The following OSBPL11 variants were observed in gnomAD, a reference collection of about 807,000 sequenced individuals.
The protein encoded by OSBPL11 is oxysterol binding protein like 11, also known as oxysterol-binding protein-related protein 11.
In OSBPL11, 33 loss-of-function variants were observed where a neutral mutation model predicts 84.4. The observed-to-expected ratio is 0.39, with a 90% CI of 0.30 to 0.52. OSBPL11 has a LOEUF of 0.52. OSBPL11 is among the 20% of genes least tolerant of loss of function. The pLI, the probability that OSBPL11 is intolerant of heterozygous loss-of-function variation, is 0.72. For missense variants in OSBPL11, 736 were observed against 901.1 expected (o/e 0.82, Z 2.35); for synonymous variants, 276 against 310.2 (o/e 0.89, Z 1.16).
intron 11 of OSBPL11, among the ~76,000 whole-genome samples, chr3:125,536,445 C>A (rs1156841909): frequency 1.3e-5 from 2 of 152,100 alleles, no homozygotes; most frequent in African/African-American, 4.8e-5. Flanking sequence ...CAGATGTTGA[C>A]ATACTATACA....
At position 125,576,259 on chromosome 3, in the gene OSBPL11, C is replaced by T. The variant is rs1936320720; in HGVS notation, c.596G>A (p.Gly199Glu). 1 of 1,610,308 alleles carries T rather than the reference C, an allele frequency of 6.2e-7. No individual in the cohort carries two copies. Among genetic ancestry groups the T allele is most frequent in the Admixed American group, 1.7e-5 (1 of 59,164 alleles). ...SQNAISFFNVGHSKLQSLSKR... is the reference protein window; with the variant it reads ...SQNAISFFNVEHSKLQSLSKR... The stretch of plus-strand genomic sequence containing the variant: ...GCTCAGTGATTGCAGTTTGGAATGT[C>T]CAACATTAAAAAAAGAAATGGCATT... Residue 199 changes from glycine (G) to glutamate (E), a missense_variant, in exon 5 of 13, where the codon GGA becomes GAA. This residue lies in a region of OSBPL11 where 579 missense variants were observed against 717.6 expected (regional missense o/e 0.81). Coordinates refer to ENST00000296220, the MANE Select transcript of OSBPL11 (RefSeq NM_022776.5).
chr3:125,542,666 A>G (rs941235631), intron 10 of OSBPL11, among the ~76,000 whole-genome samples: 2 of 151,634 alleles, frequency 1.3e-5, no homozygotes, highest in Non-Finnish European at 2.9e-5. Flanking sequence ...CTGCTACTAC[A>G]CCCGGTTAAT....
Position 125,594,674 on chromosome 3 carries a change from T to C in OSBPL11, c.127A>G (p.Ser43Gly), listed in dbSNP as rs778401944. Residue 43 changes from serine to glycine, a missense_variant, in exon 1 of 13, where the codon AGC becomes GGC. By Grantham distance (56) the Ser-to-Gly change is moderately conservative. Transcript: ENST00000296220. ...SCGGGISSSS[S>G]SRGGSAKGWQ... ...CCTTTTGCACTGCCACCGCGGCTGC[T>C]GCTGCTGCTACTGATTCCACCTCCA... 7 of 1,613,994 alleles carry C rather than the reference T, an allele frequency of 4.3e-6. No homozygotes were observed. Among genetic ancestry groups the C allele is most frequent in the East Asian group, 2.2e-5 (1 of 44,876 alleles).
chr3:125,551,164 T>TAA (rs1250361844), intron 9 of OSBPL11, among the ~76,000 whole-genome samples: 2 of 94,020 alleles, frequency 2.1e-5, no homozygotes, highest in Admixed American at 1.3e-4. Flanking sequence ...ACCCTGTTTC[T>TAA]AAAAAAAAAA....
At chr3:125,580,358 T>C (rs1482563229) in intron 2 of OSBPL11, among the ~76,000 whole-genome samples, 1 of 151,572 alleles carries the variant, frequency 6.6e-6, no homozygotes, top group African/African-American at 2.4e-5. Flanking sequence ...CTACTAAAAA[T>C]ACAAAATTAG....
At position 125,585,121 on chromosome 3, in the gene OSBPL11, C is replaced by T. The variant is rs555001215; in HGVS notation, c.165-2143G>A. ...AACATCAATCGCTAAAAAGATCCCA[C>T]GTGTATCTCTTTTTTTTATTTTTAA... On this transcript the variant is annotated intron_variant, in intron 1 of 12. Coordinates refer to ENST00000296220, the MANE Select transcript of OSBPL11 (RefSeq NM_022776.5). Among the ~76,000 whole-genome samples the T allele has an allele frequency of 4.6e-5, 7 of 152,072 alleles. No individual in the cohort carries two copies. The South Asian group carries it at 6.2e-4, about 14-fold the overall frequency.
chr3:125,581,524 C>T (rs1267554722), intron 2 of OSBPL11, among the ~76,000 whole-genome samples: 4 of 150,976 alleles, frequency 2.6e-5, no homozygotes, highest in Admixed American at 1.3e-4. Flanking sequence ...GGTGAAACCC[C>T]GTCTCTACTA....
intron 1 of OSBPL11, among the ~76,000 whole-genome samples, chr3:125,592,453 C>T (rs1476625224): frequency 6.6e-6 from 1 of 152,090 alleles, no homozygotes; most frequent in Non-Finnish European, 1.5e-5. Flanking sequence ...GAAATTAAAT[C>T]TGAGGACTAG....
At chr3:125,583,578 C>T (rs2107611082) in intron 1 of OSBPL11, among the ~76,000 whole-genome samples, 1 of 85,738 alleles carries the variant, frequency 1.2e-5, no homozygotes, top group Admixed American at 1.5e-4. Context: ...GAGACTCCGT[C>T]TCCAAAAAAA....
intron 5 of OSBPL11, among the ~76,000 whole-genome samples, chr3:125,575,177 A>T (rs1936303170): frequency 6.6e-6 from 1 of 151,914 alleles, no homozygotes. Flanking sequence ...TAATATATAT[A>T]TTCTATATGT....
chr3:125,538,365 T>A (rs6771891), intron 11 of OSBPL11, 86 bp downstream of exon 11: 89,316 of 1,301,906 alleles, frequency 0.069, 3,375 homozygotes, highest in Middle Eastern at 0.11. Flanking sequence ...TGAAGTGACT[T>A]GGCCAAGGTC....
At chr3:125,539,327 ATAT>A (rs1423898599) in intron 10 of OSBPL11, among the ~76,000 whole-genome samples, 1 of 114,832 alleles carries the variant, frequency 8.7e-6, no homozygotes, top group Non-Finnish European at 1.7e-5. Context: ...ATATATATAT[ATAT>A]ATATATATAT....
chr3:125,547,613 G>A, intron 9 of OSBPL11, 21 bp from the exon 10 acceptor site: 1 of 1,547,974 alleles, frequency 6.5e-7, no homozygotes, highest in South Asian at 1.2e-5. Flanking sequence ...AAACATGAGG[G>A]TGGTTAACAT....
intron 1 of OSBPL11, among the ~76,000 whole-genome samples, chr3:125,593,643 C>A (rs1198840913): frequency 1.3e-5 from 2 of 151,678 alleles, no homozygotes; most frequent in Non-Finnish European, 2.9e-5. Context: ...AAATTATAAT[C>A]TTCTATACTT....
At chr3:125,568,838 T>C (rs1199000793) in intron 5 of OSBPL11, among the ~76,000 whole-genome samples, 1 of 152,254 alleles carries the variant, frequency 6.6e-6, no homozygotes, top group Non-Finnish European at 1.5e-5. Context: ...CCTTCAGGTG[T>C]GAGCAGAAGG....
At chr3:125,550,273 G>C (rs540478158) in intron 9 of OSBPL11, among the ~76,000 whole-genome samples, 1 of 152,152 alleles carries the variant, frequency 6.6e-6, no homozygotes, top group South Asian at 2.1e-4. Flanking sequence ...TACTGTGGAA[G>C]CTGGGGTGGG....
intron 9 of OSBPL11, 41 bp from the exon 10 acceptor site, chr3:125,547,633 G>GA: frequency 7.0e-7 from 1 of 1,424,626 alleles, no homozygotes. Flanking sequence ...TCTTTTTAAA[G>GA]AAACAGCTAA....
chr3:125,552,055 C>G (rs971443031), intron 9 of OSBPL11, 126 bp downstream of exon 9: 1 of 490,658 alleles, frequency 2.0e-6, no homozygotes, highest in Non-Finnish European at 3.0e-6. Flanking sequence ...CCCAAGCGAA[C>G]TTTCCTTTCT....
intron 7 of OSBPL11, among the ~76,000 whole-genome samples, chr3:125,562,758 C>A (rs1240079808): frequency 1.3e-5 from 2 of 152,136 alleles, no homozygotes; most frequent in African/African-American, 4.8e-5. Flanking sequence ...GAAACCCCTT[C>A]TCTACTAAAA....
Sources: gnomAD v4.1 joint callset for allele counts (sites outside exome capture counted in the v4.1 genomes callset) on GRCh38, gnomAD v4.1.1 for gene constraint, gnomAD v4.1.1 regional missense constraint, MANE v1.5 for transcripts, NCBI Gene and HGNC (gene_info 2026-07-23, HGNC 2026-07-21) for gene names.